The following DAW1 variants were observed in gnomAD, a reference collection of about 807,000 sequenced individuals.
DAW1 encodes dynein assembly factor with WD repeats 1, also known as dynein assembly factor with WD repeat domains 1.
Under a neutral mutation model 56.5 loss-of-function variants are expected in DAW1, and 47 were observed. The observed-to-expected ratio is 0.83, with a 90% CI of 0.66 to 1.06. The LOEUF (loss-of-function observed/expected upper bound fraction) is 1.06, where lower values mean the gene tolerates loss of function less well. DAW1 is among the 50% of genes least tolerant of loss of function. The probability of loss-of-function intolerance (pLI) is 0.00; values close to 1 mark genes in which losing one functional copy is unlikely to be tolerated. For missense variants in DAW1, 505 were observed against 499.3 expected (o/e 1.01, Z -0.11); for synonymous variants, 190 against 179.0 (o/e 1.06, Z -0.49).
At chr2:227,883,911 A>G (rs1280905207) in intron 1 of DAW1, among the ~76,000 whole-genome samples, 1 of 152,164 alleles carries the variant, frequency 6.6e-6, no homozygotes, top group Non-Finnish European at 1.5e-5. Flanking sequence ...TTTAATATGG[A>G]AAAAAACCAA....
chr2:227,900,282 A>C (rs749231478), intron 6 of DAW1, among the ~76,000 whole-genome samples: 2 of 151,866 alleles, frequency 1.3e-5, no homozygotes, highest in Non-Finnish European at 2.9e-5. Flanking sequence ...ATTTTTGCAC[A>C]CTCCTTTAGA....
intron 1 of DAW1, among the ~76,000 whole-genome samples, chr2:227,881,166 G>A (rs1414425267): frequency 1.3e-5 from 2 of 152,208 alleles, no homozygotes; most frequent in Non-Finnish European, 2.9e-5. Context: ...GTGCTGTAAG[G>A]ACAGAGAATG....
chr2:227,912,194 A>G (rs2106211212), intron 10 of DAW1: 1 of 375,048 alleles, frequency 2.7e-6, no homozygotes, highest in African/African-American at 2.1e-5. Flanking sequence ...CATGGTCAAC[A>G]TGTATGATGT....
At chr2:227,907,064 C>T in intron 9 of DAW1, 74 bp from the exon 10 acceptor site, 1 of 1,007,420 alleles carries the variant, frequency 9.9e-7, no homozygotes, top group Non-Finnish European at 1.5e-6. Context: ...GTCATGAAGA[C>T]CACTGGCCAT....
At chr2:227,900,666 T>C (rs991910708) in intron 6 of DAW1, among the ~76,000 whole-genome samples, 1 of 152,100 alleles carries the variant, frequency 6.6e-6, no homozygotes, top group Non-Finnish European at 1.5e-5. Context: ...CATGCAACAG[T>C]GATGTGTGCC....
At chr2:227,905,383 C>A (rs1211070954) in intron 8 of DAW1, among the ~76,000 whole-genome samples, 1 of 152,168 alleles carries the variant, frequency 6.6e-6, no homozygotes, top group Non-Finnish European at 1.5e-5. Context: ...TAGTTAATTT[C>A]CCAAATTAAT....
intron 10 of DAW1, among the ~76,000 whole-genome samples, chr2:227,916,276 T>G (rs1220717895): frequency 6.6e-6 from 1 of 152,178 alleles, no homozygotes; most frequent in Non-Finnish European, 1.5e-5. Context: ...AAAATACTTA[T>G]GCATGATATT....
At chr2:227,896,965 A>G (rs1246369843) in intron 5 of DAW1, among the ~76,000 whole-genome samples, 3 of 152,020 alleles carry the variant, frequency 2.0e-5, no homozygotes, top group Non-Finnish European at 4.4e-5. Flanking sequence ...ATGTGCCTGT[A>G]GTCCCAGCTA....
chr2:227,904,806 A>G, intron 7 of DAW1, 123 bp from the exon 8 acceptor site: 2 of 823,656 alleles, frequency 2.4e-6, no homozygotes, highest in Non-Finnish European at 3.7e-6. Flanking sequence ...ACCCCAGCCA[A>G]CCGCTGACCT....
intron 1 of DAW1, among the ~76,000 whole-genome samples, chr2:227,874,270 G>C (rs573538074): frequency 6.6e-6 from 1 of 152,122 alleles, no homozygotes; most frequent in Admixed American, 6.5e-5. Context: ...TCAAAGCATG[G>C]GTACATGGTG....
At chr2:227,921,588 T>C (rs1479648315) in intron 12 of DAW1, 27 bp downstream of exon 12, 5 of 1,586,820 alleles carry the variant, frequency 3.2e-6, no homozygotes, top group East Asian at 2.2e-5. Context: ...CACCATAGAC[T>C]CATTTTTTCT....
At chr2:227,876,979 A>G (rs749995531) in intron 1 of DAW1, among the ~76,000 whole-genome samples, 10 of 152,320 alleles carry the variant, frequency 6.6e-5, no homozygotes, top group South Asian at 4.1e-4. Context: ...TGAATATATA[A>G]TCTAAGTAAA....
chr2:227,888,073 T>G (rs1691172874), intron 2 of DAW1, among the ~76,000 whole-genome samples: 1 of 152,226 alleles, frequency 6.6e-6, no homozygotes, highest in African/African-American at 2.4e-5. Flanking sequence ...TTATCCAAGT[T>G]ATTATTATGG....
At chr2:227,889,767 T>G in intron 2 of DAW1, 89 bp from the exon 3 acceptor site, 1 of 1,116,290 alleles carries the variant, frequency 9.0e-7, no homozygotes, top group Non-Finnish European at 1.2e-6. Flanking sequence ...ATGTGCTTCA[T>G]GAAGCAATAC....
rs1240129500 is a variant in DAW1, at chr2:227,917,130, ATCTATCTATCTATCTGTCTG to A, written c.974-1646_974-1627del. ...CATGACAGTATCTATCTATCTATCT[ATCTATCTATCTATCTGTCTG>A]TCTGTCTGTCTGTCTGTCTGTCTGT... On this transcript the variant is annotated intron_variant, in intron 10 of 12. Transcript: ENST00000309931. 8.4e-4 allele frequency among the ~76,000 whole-genome samples: 120 copies of A among 143,640 alleles called. 1 individual carries two copies. Among genetic ancestry groups the A allele is most frequent in the East Asian group, 7.1e-3 (36 of 5,048 alleles). The allele number at this position is 143,640 out of a possible 152,430, so 94.2% of individuals were successfully genotyped here. A position where few individuals can be genotyped will look rare whatever the true frequency, so the allele number is the denominator to read the frequency against.
At chr2:227,879,168 T>C (rs1690952960) in intron 1 of DAW1, among the ~76,000 whole-genome samples, 1 of 152,194 alleles carries the variant, frequency 6.6e-6, no homozygotes, top group Non-Finnish European at 1.5e-5. Context: ...CTCATCCCCC[T>C]GAAGATGCGG....
Position 227,916,478 on chromosome 2 carries a change from G to A in DAW1, c.974-2302G>A, listed in dbSNP as rs1456299179. On this transcript the variant is annotated intron_variant, in intron 10 of 12. Coordinates refer to ENST00000309931, the MANE Select transcript of DAW1 (RefSeq NM_178821.3). ...CAAGGTCATTCTCTTTGATAGTCACGTATTATGAATGTCAATGTGCATGTC... is the reference window on the plus strand; with the variant it reads ...CAAGGTCATTCTCTTTGATAGTCACATATTATGAATGTCAATGTGCATGTC... 3.9e-5 allele frequency among the ~76,000 whole-genome samples: 6 copies of A among 152,180 alleles called. No homozygotes were observed. The East Asian group carries it at 9.7e-4, about 24-fold the overall frequency.
intron 10 of DAW1, 152 bp downstream of exon 10, chr2:227,907,404 G>A (rs188294198): frequency 6.5e-6 from 4 of 619,124 alleles, no homozygotes; most frequent in African/African-American, 1.8e-5. Flanking sequence ...TGGCACAATA[G>A]TGTGTCTATA....
At chr2:227,891,201 C>A in intron 3 of DAW1, 54 bp from the exon 4 acceptor site, 1 of 1,515,898 alleles carries the variant, frequency 6.6e-7, no homozygotes, top group South Asian at 1.2e-5. Flanking sequence ...GAAGTTATAA[C>A]TAACAAATTT....
Sources: allele counts gnomAD v4.1 joint callset (sites outside exome capture counted in the v4.1 genomes callset), GRCh38; gene constraint gnomAD v4.1.1; transcripts MANE v1.5; gene names NCBI Gene and HGNC (gene_info 2026-07-23, HGNC 2026-07-21).